Variants in DENND1A observed in about 807,000 individuals in gnomAD.
The protein encoded by DENND1A is DENN domain containing 1A.
Under a neutral mutation model 113.7 loss-of-function variants are expected in DENND1A, and 51 were observed. That is an observed-to-expected ratio of 0.45 (90% CI 0.36 to 0.57). The LOEUF (loss-of-function observed/expected upper bound fraction) is 0.57, where lower values mean the gene tolerates loss of function less well. DENND1A is among the 20% of genes least tolerant of loss of function. DENND1A has a pLI of 0.00. For synonymous variants in DENND1A, 565 were observed against 570.8 expected, an observed-to-expected ratio of 0.99 and a Z score of 0.14; for missense variants, 1,258 against 1,395.9, an observed-to-expected ratio of 0.90 and a Z score of 1.57.
chr9:123,889,496 C>G (rs569420121), intron 1 of DENND1A, among the ~76,000 whole-genome samples: 31 of 152,160 alleles, frequency 2.0e-4, no homozygotes, highest in African/African-American at 7.2e-4. Flanking sequence ...AATACCGTCA[C>G]TAAAAGCAAT....
chr9:123,922,216 G>A (rs571939500), intron 1 of DENND1A, among the ~76,000 whole-genome samples: 54 of 152,236 alleles, frequency 3.5e-4, no homozygotes, highest in Non-Finnish European at 5.4e-4. Context: ...TTACAGGCAT[G>A]AGCCACCACG....
At chr9:123,772,108 G>A (rs774100316) in intron 3 of DENND1A, among the ~76,000 whole-genome samples, 1 of 152,126 alleles carries the variant, frequency 6.6e-6, no homozygotes, top group African/African-American at 2.4e-5. Flanking sequence ...GGGAGGACAG[G>A]AAGAGGGAGG....
chr9:123,525,377 T>C (rs77448174), intron 13 of DENND1A, among the ~76,000 whole-genome samples: 5,051 of 152,204 alleles, frequency 0.033, 300 homozygotes, highest in African/African-American at 0.12. Flanking sequence ...ACAGCAAGAA[T>C]CCCAGCCTCT....
chr9:123,811,560 C>T (rs978178389), intron 2 of DENND1A, among the ~76,000 whole-genome samples: 1 of 152,132 alleles, frequency 6.6e-6, no homozygotes, highest in Non-Finnish European at 1.5e-5. Context: ...GAGATCAAGA[C>T]CATTGTGGCT....
At chr9:123,634,092 T>TTTAA (rs1467754829) in intron 9 of DENND1A, among the ~76,000 whole-genome samples, 1 of 152,214 alleles carries the variant, frequency 6.6e-6, no homozygotes, top group African/African-American at 2.4e-5. Flanking sequence ...CTGGTTTGGG[T>TTTAA]CAAAAGCCTA....
At chr9:123,863,938 C>T (rs1326640977) in intron 2 of DENND1A, among the ~76,000 whole-genome samples, 1 of 150,332 alleles carries the variant, frequency 6.7e-6, no homozygotes, top group Non-Finnish European at 1.5e-5. Flanking sequence ...TTTTAAAGGA[C>T]TGTTTCCATG....
intron 21 of DENND1A, among the ~76,000 whole-genome samples, chr9:123,392,164 G>A (rs946694178): frequency 5.3e-5 from 8 of 152,302 alleles, no homozygotes; most frequent in Admixed American, 2.0e-4. Context: ...AAGCAGGGAC[G>A]TGCTCCATGC....
intron 2 of DENND1A, among the ~76,000 whole-genome samples, chr9:123,877,078 T>C (rs1175063030): frequency 6.6e-6 from 1 of 152,136 alleles, no homozygotes; most frequent in Non-Finnish European, 1.5e-5. Flanking sequence ...AGAAATTACT[T>C]AATGGGTACA....
At chr9:123,481,924 T>A (rs1000257908) in intron 13 of DENND1A, among the ~76,000 whole-genome samples, 1 of 150,370 alleles carries the variant, frequency 6.7e-6, no homozygotes, top group African/African-American at 2.5e-5. Flanking sequence ...GCTACCTGAG[T>A]AGCTGGGATT....
chr9:123,819,137 G>A (rs1227625301), intron 2 of DENND1A, among the ~76,000 whole-genome samples: 2 of 152,184 alleles, frequency 1.3e-5, no homozygotes, highest in African/African-American at 4.8e-5. Flanking sequence ...ACACTGCAGA[G>A]TATTTAACAA....
intron 12 of DENND1A, among the ~76,000 whole-genome samples, chr9:123,577,811 C>G (rs1228634584): frequency 6.6e-6 from 1 of 152,138 alleles, no homozygotes; most frequent in Non-Finnish European, 1.5e-5. Flanking sequence ...TTTTAGGACC[C>G]CTAAAGCCCT....
At chr9:123,557,094 G>A (rs567689363) in intron 13 of DENND1A, among the ~76,000 whole-genome samples, 26 of 152,364 alleles carry the variant, frequency 1.7e-4, no homozygotes, top group Non-Finnish European at 3.5e-4. Context: ...TTTCTCAAGC[G>A]TGGAGGAGCG....
intron 10 of DENND1A, among the ~76,000 whole-genome samples, chr9:123,625,053 T>C (rs1221080511): frequency 6.6e-6 from 1 of 152,166 alleles, no homozygotes; most frequent in Non-Finnish European, 1.5e-5. Context: ...CTGTTAAACA[T>C]TTTGGTGTAT....
intron 1 of DENND1A, among the ~76,000 whole-genome samples, chr9:123,911,178 A>G (rs562081512): frequency 2.0e-5 from 3 of 152,366 alleles, no homozygotes; most frequent in Non-Finnish European, 2.9e-5. Flanking sequence ...GGTGCTTAAC[A>G]TGAGTAATCA....
chr9:123,528,663 C>A (rs1439577606), intron 13 of DENND1A, among the ~76,000 whole-genome samples: 1 of 152,190 alleles, frequency 6.6e-6, no homozygotes, highest in Non-Finnish European at 1.5e-5. Flanking sequence ...CATCTTCCAA[C>A]CAGCTTCCTC....
At chr9:123,761,013 G>A (rs1396425936) in intron 4 of DENND1A, among the ~76,000 whole-genome samples, 1 of 152,218 alleles carries the variant, frequency 6.6e-6, no homozygotes, top group Non-Finnish European at 1.5e-5. Flanking sequence ...GAAAGGAAGG[G>A]TATCGATAGG....
At chr9:123,503,464 G>A (rs1173832900) in intron 13 of DENND1A, among the ~76,000 whole-genome samples, 2 of 152,120 alleles carry the variant, frequency 1.3e-5, no homozygotes, top group Non-Finnish European at 2.9e-5. Flanking sequence ...GCCCATTTCT[G>A]TAACAGCCAC....
In DENND1A at chr9:123,587,454, C is replaced by T. The variant is rs575471466; in HGVS notation, c.766-4184G>A. Among the ~76,000 whole-genome samples, 4 of 152,312 alleles carry T rather than the reference C, an allele frequency of 2.6e-5. No homozygotes were observed. The South Asian group carries it at 8.3e-4, about 32-fold the overall frequency. On this transcript the variant is annotated intron_variant, in intron 11 of 23. Transcript: ENST00000394215. ...GAAACAGGACGTGAAGCTAGACAACCAGTTAGACCAGAAATTCTCAGAAGG... is the reference window on the plus strand; with the variant it reads ...GAAACAGGACGTGAAGCTAGACAACTAGTTAGACCAGAAATTCTCAGAAGG...
chr9:123,577,416 A>G (rs991154516), intron 12 of DENND1A, among the ~76,000 whole-genome samples: 3 of 152,190 alleles, frequency 2.0e-5, no homozygotes, highest in Non-Finnish European at 4.4e-5. Flanking sequence ...AATCTACTTT[A>G]AAGTCTTTAT....
Sources: allele counts gnomAD v4.1 joint callset (sites outside exome capture counted in the v4.1 genomes callset), GRCh38; gene constraint gnomAD v4.1.1; transcripts MANE v1.5; gene names NCBI Gene and HGNC (gene_info 2026-07-23, HGNC 2026-07-21).